NRXN3: variants seen among roughly 807,000 people sequenced by gnomAD.
The protein encoded by NRXN3 is neurexin 3.
NRXN3 carries 32 observed loss-of-function variants against 137.6 expected under a neutral mutation model. The ratio of observed to expected loss-of-function variants is 0.23; its 90% confidence interval spans 0.18 to 0.31. The LOEUF (loss-of-function observed/expected upper bound fraction) is 0.31, where lower values mean the gene tolerates loss of function less well. Ranked by LOEUF, NRXN3 falls within the 10% of genes least tolerant of loss-of-function variation. NRXN3 has a pLI of 1.00. For missense variants in NRXN3, 1,574 were observed against 2,062.5 expected (o/e 0.76, Z 4.59); for synonymous variants, 798 against 784.5 (o/e 1.02, Z -0.29).
chr14:79,848,067 T>C (rs1308536612), intron 20 of NRXN3, among the ~76,000 whole-genome samples: 2 of 152,152 alleles, frequency 1.3e-5, no homozygotes, highest in African/African-American at 4.8e-5. Flanking sequence ...GTGCCTTTGC[T>C]GAATTGAAAT....
At chr14:78,238,515 C>T (rs917085270) in intron 1 of NRXN3, among the ~76,000 whole-genome samples, 3 of 152,182 alleles carry the variant, frequency 2.0e-5, no homozygotes, top group African/African-American at 2.4e-5. Context: ...GAAGGATAAA[C>T]GCTGGCAGCA....
At chr14:79,424,989 A>G (rs757817983) in intron 15 of NRXN3, among the ~76,000 whole-genome samples, 2 of 152,186 alleles carry the variant, frequency 1.3e-5, no homozygotes, top group Non-Finnish European at 2.9e-5. Flanking sequence ...TTATAAGGAT[A>G]TAGCTTTCAT....
intron 7 of NRXN3, among the ~76,000 whole-genome samples, chr14:78,711,290 A>AT (rs973322873): frequency 2.6e-5 from 4 of 151,090 alleles, no homozygotes; most frequent in Admixed American, 6.6e-5. Flanking sequence ...CCTAATACAA[A>AT]TTTTTCTTTC....
intron 19 of NRXN3, among the ~76,000 whole-genome samples, chr14:79,725,082 A>G (rs891261703): frequency 2.6e-5 from 4 of 152,148 alleles, no homozygotes; most frequent in Non-Finnish European, 1.5e-5. Context: ...TCGCGTGCCA[A>G]GTGCCAGGTG....
At chr14:79,279,214 C>A in intron 15 of NRXN3, 1 of 335,970 alleles carries the variant, frequency 3.0e-6, no homozygotes, top group Non-Finnish European at 4.2e-6. Context: ...TGTATACGAG[C>A]CTGTGCTTGA....
At chr14:79,449,263 A>G (rs1292646113) in intron 15 of NRXN3, among the ~76,000 whole-genome samples, 1 of 152,150 alleles carries the variant, frequency 6.6e-6, no homozygotes, top group South Asian at 2.1e-4. Flanking sequence ...GTGCTTTTTA[A>G]AGGAATTCCA....
intron 8 of NRXN3, among the ~76,000 whole-genome samples, chr14:78,730,040 A>G (rs2098507479): frequency 6.6e-6 from 1 of 152,168 alleles, no homozygotes; most frequent in Non-Finnish European, 1.5e-5. Flanking sequence ...GTAGTTGGAG[A>G]TGTGCCTAGA....
At chr14:78,556,634 C>T (rs888240093) in intron 4 of NRXN3, among the ~76,000 whole-genome samples, 2 of 152,172 alleles carry the variant, frequency 1.3e-5, no homozygotes, top group African/African-American at 4.8e-5. Flanking sequence ...TGCATTCTGA[C>T]ATGCTCTCTG....
chr14:79,212,415 C>T (rs928372328), intron 15 of NRXN3, among the ~76,000 whole-genome samples: 14 of 152,112 alleles, frequency 9.2e-5, no homozygotes, highest in Admixed American at 8.5e-4. Context: ...TTAGGTTAAT[C>T]CATTAACTTG....
chr14:79,729,433 A>G (rs974018426), intron 19 of NRXN3, among the ~76,000 whole-genome samples: 14 of 152,190 alleles, frequency 9.2e-5, no homozygotes, highest in Non-Finnish European at 1.9e-4. Context: ...AACCAGAAGC[A>G]AGCTATTAAG....
intron 8 of NRXN3, among the ~76,000 whole-genome samples, chr14:78,778,605 A>T (rs970654500): frequency 3.9e-5 from 6 of 152,138 alleles, no homozygotes; most frequent in Non-Finnish European, 8.8e-5. Flanking sequence ...ACCAGAAAAT[A>T]TGAATACGTT....
intron 19 of NRXN3, among the ~76,000 whole-genome samples, chr14:79,705,709 C>G (rs377580789): frequency 6.6e-6 from 1 of 152,116 alleles, no homozygotes; most frequent in East Asian, 1.9e-4. Flanking sequence ...TCCCTCACTT[C>G]ACCCAGGTTT....
intron 15 of NRXN3, among the ~76,000 whole-genome samples, chr14:79,355,404 A>G (rs933889486): frequency 5.3e-5 from 8 of 152,202 alleles, no homozygotes; most frequent in Non-Finnish European, 7.3e-5. Flanking sequence ...GACACAAAGT[A>G]AACTCAGGAG....
intron 6 of NRXN3, among the ~76,000 whole-genome samples, chr14:78,707,546 A>G (rs1302868618): frequency 1.3e-5 from 2 of 152,232 alleles, no homozygotes; most frequent in Non-Finnish European, 2.9e-5. Flanking sequence ...TACCTGGTTT[A>G]GAAAGTCATA....
In NRXN3 at chr14:79,861,412, C is replaced by G. The variant is rs1316127200; in HGVS notation, c.4164C>G (p.Asp1388Glu). The G allele has an allele frequency of 6.5e-7, 1 of 1,536,182 alleles. No individual in the cohort carries two copies. The highest frequency in any genetic ancestry group is 2.4e-5 in the East Asian group (1 of 40,926). ...ATGCGCCCAAGTGGGAATCCAAGGA[C>G]TTTAGACCTAACAAAGTCTCCGAAA... The part of the protein sequence containing the change: ...KAHAPKWESK[D>E]FRPNKVSETS... The change falls in exon 21 of 21, where the codon GAC (aspartate) becomes GAG (glutamate). Residue 1388 changes from aspartate (D) to glutamate (E), a missense_variant. By Grantham distance (45) the Asp-to-Glu change is conservative. Coordinates refer to ENST00000335750, the MANE Select transcript of NRXN3 (RefSeq NM_001330195.2). The surrounding 1 kb of genome is among the most constrained non-coding windows in gnomAD (Gnocchi z 5.4).
chr14:79,324,420 A>T (rs964467101), intron 15 of NRXN3, among the ~76,000 whole-genome samples: 51 of 152,330 alleles, frequency 3.3e-4, no homozygotes, highest in African/African-American at 1.2e-3. Flanking sequence ...GGAAGAGAAA[A>T]TCAGTTCCTT....
chr14:79,185,553 G>C lies in NRXN3; in HGVS notation c.3262+197412G>C, dbSNP rs920161990. On this transcript the variant is annotated intron_variant, in intron 15 of 20. Coordinates refer to ENST00000335750, the MANE Select transcript of NRXN3 (RefSeq NM_001330195.2). ...CAATCTTGGCTCACTGCAAGCTCCA[G>C]CTCCTGGGTTCACGCCATTCTCCTG... is the stretch of plus-strand genomic sequence containing the variant. 6.0e-5 allele frequency among the ~76,000 whole-genome samples: 9 copies of C among 150,604 alleles called. No homozygotes were observed. In the South Asian group the frequency reaches 8.4e-4, roughly 14 times the overall value.
chr14:79,208,696 G>A (rs1452011653), intron 15 of NRXN3, among the ~76,000 whole-genome samples: 1 of 151,824 alleles, frequency 6.6e-6, no homozygotes, highest in African/African-American at 2.4e-5. Context: ...CAATTTTATT[G>A]GATATAACAG....
intron 15 of NRXN3, among the ~76,000 whole-genome samples, chr14:79,331,185 T>A (rs1266950979): frequency 6.6e-6 from 1 of 152,238 alleles, no homozygotes; most frequent in African/African-American, 2.4e-5. Flanking sequence ...GGTAAATATT[T>A]TGTCTATGTG....
Sources: gnomAD v4.1 joint callset for allele counts (sites outside exome capture counted in the v4.1 genomes callset) on GRCh38, gnomAD v4.1.1 for gene constraint, Gnocchi (gnomAD v3.1) non-coding constraint, MANE v1.5 for transcripts, NCBI Gene and HGNC (gene_info 2026-07-23, HGNC 2026-07-21) for gene names.